DAPK1: variants seen among roughly 807,000 people sequenced by gnomAD.
DAPK1 encodes death-associated protein kinase 1.
DAPK1 carries 56 observed loss-of-function variants against 144.9 expected under a neutral mutation model. That is an observed-to-expected ratio of 0.39 (90% CI 0.31 to 0.48). The LOEUF (loss-of-function observed/expected upper bound fraction) is 0.48, where lower values mean the gene tolerates loss of function less well. Among genes scored for constraint, DAPK1 ranks in the 20% least tolerant of loss-of-function variants. The pLI is 0.95. For missense variants in DAPK1, 1,454 were observed against 1,875.4 expected, an observed-to-expected ratio of 0.78 and a Z score of 4.15; for synonymous variants, 690 against 749.0, an observed-to-expected ratio of 0.92 and a Z score of 1.29.
chr9:87,616,956 G>A (rs1384261811), intron 3 of DAPK1, among the ~76,000 whole-genome samples: 1 of 152,198 alleles, frequency 6.6e-6, no homozygotes, highest in Non-Finnish European at 1.5e-5. Context: ...TAGGAGATTG[G>A]AGCATAGATC....
At chr9:87,507,509 C>T (rs56039983) in intron 2 of DAPK1, among the ~76,000 whole-genome samples, 4,737 of 152,256 alleles carry the variant, frequency 0.031, 227 homozygotes, top group African/African-American at 0.1. Flanking sequence ...CTGGTGTTCA[C>T]GGGGCTTTTA....
At chr9:87,569,949 G>A (rs551590077) in intron 2 of DAPK1, among the ~76,000 whole-genome samples, 3 of 152,204 alleles carry the variant, frequency 2.0e-5, no homozygotes, top group South Asian at 2.1e-4. Flanking sequence ...CTAGACTTCC[G>A]AATGTCATGA....
chr9:87,577,566 G>A (rs559903131), intron 2 of DAPK1, among the ~76,000 whole-genome samples: 1 of 152,322 alleles, frequency 6.6e-6, no homozygotes, highest in South Asian at 2.1e-4. Flanking sequence ...GGGAGGCCAA[G>A]GATGGTGGAT....
intron 11 of DAPK1, among the ~76,000 whole-genome samples, chr9:87,644,307 A>AACAACGG (rs1186658081): frequency 6.6e-6 from 1 of 152,156 alleles, no homozygotes; most frequent in Non-Finnish European, 1.5e-5. Context: ...CTGACAATCA[A>AACAACGG]ACAACGGGGC....
intron 2 of DAPK1, among the ~76,000 whole-genome samples, chr9:87,508,907 C>T (rs1162575712): frequency 1.3e-5 from 2 of 152,192 alleles, no homozygotes; most frequent in Non-Finnish European, 2.9e-5. Flanking sequence ...TACCATGGGA[C>T]AGGCAGAGAG....
intron 17 of DAPK1, among the ~76,000 whole-genome samples, chr9:87,654,398 A>G (rs1291979758): frequency 6.6e-6 from 1 of 152,200 alleles, no homozygotes; most frequent in Non-Finnish European, 1.5e-5. Flanking sequence ...GGTTTGTTGG[A>G]GGTAAAAGGA....
In DAPK1 at chr9:87,586,170, C is replaced by T. The variant is rs542687759; in HGVS notation, c.63-18784C>T. Among the ~76,000 whole-genome samples, 208 of 152,222 alleles carry T rather than the reference C, an allele frequency of 1.4e-3. 1 individual carries two copies. Among genetic ancestry groups the T allele is most frequent in the African/African-American group, 4.6e-3 (193 of 41,518 alleles). ...AGATATGATGGCGTGTACCTGTAAT[C>T]CCAGCTACTTGGGAGGCTGAGGTGG... On this transcript the variant is annotated intron_variant, in intron 2 of 25. Coordinates refer to ENST00000408954, the MANE Select transcript of DAPK1 (RefSeq NM_004938.4).
chr9:87,601,070 C>T (rs1356513136), intron 2 of DAPK1, among the ~76,000 whole-genome samples: 2 of 152,134 alleles, frequency 1.3e-5, no homozygotes, highest in African/African-American at 2.4e-5. Context: ...GAGGAACTGT[C>T]CCCCCAAAGG....
intron 18 of DAPK1, among the ~76,000 whole-genome samples, chr9:87,658,883 A>AT (rs1302943159): frequency 2.0e-5 from 3 of 152,220 alleles, no homozygotes; most frequent in Admixed American, 6.5e-5. Flanking sequence ...ACAGAGGGTG[A>AT]TTCTCTGAGG....
At chr9:87,618,079 A>G (rs1398844539) in intron 3 of DAPK1, among the ~76,000 whole-genome samples, 1 of 152,248 alleles carries the variant, frequency 6.6e-6, no homozygotes, top group Non-Finnish European at 1.5e-5. Flanking sequence ...CTGAATTATT[A>G]CAGCATCCTC....
rs1827999812 is a variant in DAPK1 at position 87,588,114 on chromosome 9, T to TA, written c.63-16836dup. On this transcript the variant is annotated intron_variant, in intron 2 of 25. Transcript: ENST00000408954. ...GCTAGTAAATGGCAAAGCCAGGATA[T>TA]AAAAGCAAGCCCTCTGCCTCCAAAG... is the stretch of plus-strand genomic sequence containing the variant. 5.3e-5 allele frequency among the ~76,000 whole-genome samples: 8 copies of TA among 152,334 alleles called. No homozygotes were observed. The South Asian group carries it at 1.7e-3, about 32-fold the overall frequency.
intron 18 of DAPK1, among the ~76,000 whole-genome samples, chr9:87,659,532 C>A (rs1276418561): frequency 6.6e-6 from 1 of 152,246 alleles, no homozygotes; most frequent in East Asian, 1.9e-4. Flanking sequence ...AAGATGCCAG[C>A]AGCTGACGCT....
chr9:87,641,180 G>A (rs1284166514), intron 9 of DAPK1, among the ~76,000 whole-genome samples: 1 of 152,174 alleles, frequency 6.6e-6, no homozygotes, highest in Non-Finnish European at 1.5e-5. Flanking sequence ...AATCAAATCT[G>A]GATTTCCAGC....
chr9:87,564,927 A>T (rs1827061929), intron 2 of DAPK1, among the ~76,000 whole-genome samples: 2 of 152,136 alleles, frequency 1.3e-5, no homozygotes, highest in African/African-American at 4.8e-5. Flanking sequence ...AGACTCTTGG[A>T]TTTCTGAAGA....
In DAPK1 at chr9:87,650,106, T is replaced by G; in HGVS notation, c.1614T>G (p.Asn538Lys). ...ECLAEHGADL[N>K]ACDKDGHIAL... Reference sequence around the variant, plus strand: ...TGGCCGAACATGGAGCCGACCTTAATGCTTGCGACAAGGTGCCTTATGGGG... The same window carrying G: ...TGGCCGAACATGGAGCCGACCTTAAGGCTTGCGACAAGGTGCCTTATGGGG... Residue 538 changes from asparagine (N) to lysine (K), a missense_variant, in exon 16 of 26, where the codon AAT (asparagine) becomes AAG (lysine). Physicochemically the swap from Asn to Lys is moderately conservative, Grantham distance 94 (BLOSUM62 0). This residue lies in a region of DAPK1 where 1,025 missense variants were observed against 1,237.9 expected (regional missense o/e 0.83). Coordinates refer to ENST00000408954, the MANE Select transcript of DAPK1 (RefSeq NM_004938.4). 1 of 1,614,070 alleles carries G rather than the reference T, an allele frequency of 6.2e-7. No homozygotes were observed. The highest frequency in any genetic ancestry group is 8.5e-7 in the Non-Finnish European group (1 of 1,180,022).
At chr9:87,636,998 C>T (rs1829920590) in intron 3 of DAPK1, among the ~76,000 whole-genome samples, 1 of 152,142 alleles carries the variant, frequency 6.6e-6, no homozygotes, top group African/African-American at 2.4e-5. Context: ...GTGGGAGGTT[C>T]TGACCACTCC....
intron 2 of DAPK1, among the ~76,000 whole-genome samples, chr9:87,565,656 T>C (rs775376981): frequency 6.6e-6 from 1 of 152,244 alleles, no homozygotes; most frequent in Non-Finnish European, 1.5e-5. Context: ...ATCCGACTTC[T>C]TGAAATCTGA....
chr9:87,517,060 C>G (rs1292710861), intron 2 of DAPK1, among the ~76,000 whole-genome samples: 3 of 152,114 alleles, frequency 2.0e-5, no homozygotes, highest in Non-Finnish European at 2.9e-5. Flanking sequence ...CCCACCAGTG[C>G]CTCTCATTAG....
chr9:87,500,298 G>A (rs1386203358), intron 2 of DAPK1, among the ~76,000 whole-genome samples: 1 of 152,170 alleles, frequency 6.6e-6, no homozygotes, highest in Non-Finnish European at 1.5e-5. Context: ...CTTAGGAAGA[G>A]CTCTCTGTAT....
Sources: gnomAD v4.1 joint callset for allele counts (sites outside exome capture counted in the v4.1 genomes callset) on GRCh38, gnomAD v4.1.1 for gene constraint, gnomAD v4.1.1 regional missense constraint, MANE v1.5 for transcripts, NCBI Gene and HGNC (gene_info 2026-07-23, HGNC 2026-07-21) for gene names.